The following APBA1 variants were observed in gnomAD, a reference collection of about 807,000 sequenced individuals.
The protein encoded by APBA1 is amyloid beta precursor protein binding family A member 1.
Under a neutral mutation model 86.6 loss-of-function variants are expected in APBA1, and 55 were observed. The observed-to-expected ratio is 0.64, with a 90% confidence interval of 0.51 to 0.80. APBA1 has a LOEUF of 0.80. Among genes scored for constraint, APBA1 ranks in the 30% least tolerant of loss-of-function variants. APBA1 has a pLI of 0.00. For missense variants in APBA1, 1,090 were observed against 1,183.0 expected (o/e 0.92, Z 1.15); for synonymous variants, 511 against 493.9 (o/e 1.03, Z -0.46).
chr9:69,575,891 A>G (rs1821785127), intron 1 of APBA1, among the ~76,000 whole-genome samples: 1 of 152,256 alleles, frequency 6.6e-6, no homozygotes, highest in Non-Finnish European at 1.5e-5. Context: ...TCTACACAGC[A>G]AAAGAAATTA....
chr9:69,652,809 T>C (rs113019924), intron 1 of APBA1, among the ~76,000 whole-genome samples: 17 of 151,806 alleles, frequency 1.1e-4, no homozygotes, highest in African/African-American at 4.1e-4. Flanking sequence ...GCTAACACAG[T>C]GAAATGAAAC....
chr9:69,536,900 C>A (rs1041741257), intron 1 of APBA1, among the ~76,000 whole-genome samples: 2 of 149,476 alleles, frequency 1.3e-5, no homozygotes, highest in African/African-American at 2.5e-5. Flanking sequence ...CACAAAAAAA[C>A]AAAAAAAATT....
chr9:69,536,032 G>T (rs1836502762), intron 1 of APBA1, among the ~76,000 whole-genome samples: 1 of 112,184 alleles, frequency 8.9e-6, no homozygotes, highest in Non-Finnish European at 1.8e-5. Context: ...TAGGTAGATG[G>T]CGTGCAGTTT....
chr9:69,496,579 G>A (rs565011817), intron 2 of APBA1, among the ~76,000 whole-genome samples: 15 of 152,028 alleles, frequency 9.9e-5, no homozygotes, highest in Admixed American at 7.9e-4. Flanking sequence ...ACTCTTGTTG[G>A]CAGTCCGATT....
At chr9:69,511,817 G>A (rs1428099365) in intron 2 of APBA1, among the ~76,000 whole-genome samples, 1 of 151,702 alleles carries the variant, frequency 6.6e-6, no homozygotes, top group Admixed American at 6.6e-5. Context: ...GTAAACTATC[G>A]CAAGAACAGA....
chr9:69,601,379 G>T (rs972581080), intron 1 of APBA1, among the ~76,000 whole-genome samples: 1 of 152,098 alleles, frequency 6.6e-6, no homozygotes, highest in African/African-American at 2.4e-5. Flanking sequence ...CTGAAATATA[G>T]GAAGATATAT....
intron 1 of APBA1, among the ~76,000 whole-genome samples, chr9:69,593,858 A>T (rs1044966727): frequency 3.3e-5 from 5 of 152,232 alleles, no homozygotes; most frequent in Non-Finnish European, 7.3e-5. Flanking sequence ...TTATTTGTGA[A>T]ATTTGTTCAG....
At chr9:69,523,473 A>ATG (rs1236072441) in intron 1 of APBA1, among the ~76,000 whole-genome samples, 3 of 83,886 alleles carry the variant, frequency 3.6e-5, no homozygotes, top group South Asian at 3.5e-4. Context: ...GTATATATAT[A>ATG]TATGTATATA....
chr9:69,517,875 A>G (rs1836193446), intron 1 of APBA1, among the ~76,000 whole-genome samples: 2 of 152,114 alleles, frequency 1.3e-5, no homozygotes, highest in African/African-American at 2.4e-5. Flanking sequence ...CAGGATGTTA[A>G]CAGCTATTAT....
intron 1 of APBA1, among the ~76,000 whole-genome samples, chr9:69,639,475 T>A (rs1823243014): frequency 6.6e-6 from 1 of 152,134 alleles, no homozygotes; most frequent in Admixed American, 6.5e-5. Flanking sequence ...CTGGAACATC[T>A]CATCACACCA....
At position 69,482,352 on chromosome 9, in the gene APBA1, G is replaced by T. The variant is rs533062669; in HGVS notation, c.1201-6209C>A. On this transcript the variant is annotated intron_variant, in intron 2 of 12. Transcript: ENST00000265381. Reference sequence around the variant, plus strand: ...CTTCTCAAAAGAAGACATTTATGCAGCCAAAAAACACATGAAAAAATGCTC... The same window carrying T: ...CTTCTCAAAAGAAGACATTTATGCATCCAAAAAACACATGAAAAAATGCTC... 5.5e-4 allele frequency among the ~76,000 whole-genome samples: 83 copies of T among 151,972 alleles called. No individual in the cohort carries two copies. The East Asian group carries it at 5.8e-3, about 11-fold the overall frequency.
chr9:69,454,263 T>A (rs1227897924), intron 8 of APBA1, among the ~76,000 whole-genome samples: 1 of 152,188 alleles, frequency 6.6e-6, no homozygotes, highest in Non-Finnish European at 1.5e-5. Context: ...ATCTACCTAT[T>A]GTAAAACTGG....
intron 1 of APBA1, among the ~76,000 whole-genome samples, chr9:69,557,534 A>G (rs928189074): frequency 2.0e-5 from 3 of 152,154 alleles, no homozygotes; most frequent in Non-Finnish European, 4.4e-5. Context: ...CTGCCATCAG[A>G]AATGTTTATG....
At chr9:69,576,940 T>C (rs1263401863) in intron 1 of APBA1, among the ~76,000 whole-genome samples, 1 of 152,164 alleles carries the variant, frequency 6.6e-6, no homozygotes, top group Non-Finnish European at 1.5e-5. Flanking sequence ...TTTTCAAATT[T>C]TTTTATTTTT....
intron 1 of APBA1, among the ~76,000 whole-genome samples, chr9:69,590,084 C>T (rs1822100647): frequency 6.6e-6 from 1 of 152,180 alleles, no homozygotes; most frequent in Admixed American, 6.5e-5. Context: ...CTTCAGCACT[C>T]CTGGGATGGT....
intron 11 of APBA1, among the ~76,000 whole-genome samples, chr9:69,436,558 A>G (rs62570241): frequency 0.37 from 48,417 of 130,106 alleles, 11,491 homozygotes; most frequent in African/African-American, 0.67. Flanking sequence ...ATGGGAGTTC[A>G]CTCATGATTT....
rs1484036541 is a variant in APBA1 at position 69,576,844 on chromosome 9, CTT to C, written c.-69-59567_-69-59566del. Among the ~76,000 whole-genome samples the C allele has an allele frequency of 2.6e-5, 4 of 152,022 alleles. No homozygotes were observed. The South Asian group carries it at 6.2e-4, about 24-fold the overall frequency. On this transcript the variant is annotated intron_variant, in intron 1 of 12. Coordinates refer to ENST00000265381, the MANE Select transcript of APBA1 (RefSeq NM_001163.4). Reference sequence around the variant, plus strand: ...CACGTTGTGCACATGTACCCTAAAACTTAAAGTATAATAAAAAAATTATGCAT... The same window carrying C: ...CACGTTGTGCACATGTACCCTAAAACAAAGTATAATAAAAAAATTATGCAT...
chr9:69,548,457 C>T (rs1202625209), intron 1 of APBA1, among the ~76,000 whole-genome samples: 1 of 152,192 alleles, frequency 6.6e-6, no homozygotes, highest in African/African-American at 2.4e-5. Context: ...GTTACAGCAA[C>T]AATAGGAAAC....
chr9:69,498,727 C>G (rs187382916), intron 2 of APBA1, among the ~76,000 whole-genome samples: 1 of 152,190 alleles, frequency 6.6e-6, no homozygotes, highest in Admixed American at 6.5e-5. Context: ...GTAAGATGCA[C>G]TTTCAACTTT....
Sources: allele counts gnomAD v4.1 joint callset (sites outside exome capture counted in the v4.1 genomes callset), GRCh38; gene constraint gnomAD v4.1.1; transcripts MANE v1.5; gene names NCBI Gene and HGNC (gene_info 2026-07-23, HGNC 2026-07-21).